Variants in UNK observed in about 807,000 individuals in gnomAD.
The protein encoded by UNK is RING finger protein unkempt homolog.
UNK carries 32 observed loss-of-function variants against 97.6 expected under a neutral mutation model. That is an observed-to-expected ratio of 0.33 (90% CI 0.25 to 0.44). The LOEUF is 0.44. Among genes scored for constraint, UNK ranks in the 20% least tolerant of loss-of-function variants. The pLI is 1.00. For synonymous variants in UNK, 441 were observed against 461.2 expected, an observed-to-expected ratio of 0.96 and a Z score of 0.56; for missense variants, 771 against 1,098.4, an observed-to-expected ratio of 0.70 and a Z score of 4.21.
At chr17:75,786,576 G>C (rs1287053847) in intron 1 of UNK, among the ~76,000 whole-genome samples, 1 of 152,182 alleles carries the variant, frequency 6.6e-6, no homozygotes, top group African/African-American at 2.4e-5. Context: ...TGTCTTTCCT[G>C]CCGGGCGTGG....
rs576070198 is a variant in UNK at position 75,796,613 on chromosome 17, C to T, written c.104+11629C>T. Among the ~76,000 whole-genome samples the T allele has an allele frequency of 2.6e-5, 4 of 152,296 alleles. No individual in the cohort carries two copies. In the East Asian group the frequency reaches 7.7e-4, roughly 29 times the overall value. ...AAGTGCTGGGCCTGAGACACCACAC[C>T]CAGCCTAAACTAAAAGCCATTTTTA... On this transcript the variant is annotated intron_variant, in intron 1 of 15. Coordinates refer to ENST00000589666, the MANE Select transcript of UNK (RefSeq NM_001080419.3).
intron 1 of UNK, among the ~76,000 whole-genome samples, chr17:75,802,564 T>G (rs1399531273): frequency 6.6e-6 from 1 of 152,130 alleles, no homozygotes; most frequent in Non-Finnish European, 1.5e-5. Context: ...CTAGGAATAT[T>G]TCCTTACAGC....
At chr17:75,809,224 T>G (rs1341658591) in intron 1 of UNK, among the ~76,000 whole-genome samples, 1 of 152,160 alleles carries the variant, frequency 6.6e-6, no homozygotes, top group Non-Finnish European at 1.5e-5. Context: ...ACTGAGTCAG[T>G]AGTCCCGAGG....
At chr17:75,814,489 CAAAAA>C (rs59234903) in intron 6 of UNK, among the ~76,000 whole-genome samples, 15 of 70,022 alleles carry the variant, frequency 2.1e-4, no homozygotes, top group Non-Finnish European at 3.0e-4. Context: ...GAGACTCCAT[CAAAAA>C]AAAAAAAAAA....
chr17:75,825,323 C>T lies in UNK; in HGVS notation c.*906C>T, dbSNP rs902044172. On this transcript the variant is annotated 3_prime_UTR_variant, in exon 16 of 16. Coordinates refer to ENST00000589666, the MANE Select transcript of UNK (RefSeq NM_001080419.3). The surrounding 1 kb of genome is among the most constrained non-coding windows in gnomAD (Gnocchi z 4.4). Reference sequence around the variant, plus strand: ...CAGCTGCCCCCAGCTCTCCCTGCCCCCTCCCCTCTCTGGCAGCTAGCAGGG... The same window carrying T: ...CAGCTGCCCCCAGCTCTCCCTGCCCTCTCCCCTCTCTGGCAGCTAGCAGGG... 2 of 152,598 alleles carry T rather than the reference C, an allele frequency of 1.3e-5. No individual in the cohort carries two copies. The highest frequency in any genetic ancestry group is 2.9e-5 in the Non-Finnish European group (2 of 68,150). The allele number at this position is 152,598 out of a possible 1,614,324, so 9.5% of individuals were successfully genotyped here. A position where few individuals can be genotyped will look rare whatever the true frequency, so the allele number is the denominator to read the frequency against.
chr17:75,823,395 T>A lies in UNK; in HGVS notation c.2150T>A (p.Leu717Gln). The A allele has an allele frequency of 6.2e-7, 1 of 1,609,064 alleles. No homozygotes were observed. The highest frequency in any genetic ancestry group is 8.5e-7 in the Non-Finnish European group (1 of 1,177,886). The change falls in exon 15 of 16, where the codon CTG (leucine) becomes CAG (glutamine). Residue 717 changes from leucine to glutamine, a missense_variant. By Grantham distance (113) the Leu-to-Gln change is moderately radical. Around this residue, in one of 5 missense-constraint regions of UNK, gnomAD observed 208 missense variants for 257.4 expected, o/e 0.81. Transcript: ENST00000589666. ...CAGGTGAAGAAGCTCCAGGAGGAGC[T>A]GGAGCGGCTACACGCGGGGCCTGAG... The part of the protein sequence containing the change: ...EVQVKKLQEE[L>Q]ERLHAGPEPQ...
chr17:75,785,066 C>A, intron 1 of UNK, 82 bp downstream of exon 1: 1 of 999,808 alleles, frequency 1.0e-6, no homozygotes, highest in Non-Finnish European at 1.4e-6. Flanking sequence ...AGGGAGAGCG[C>A]GAGGCGGCCT....
intron 1 of UNK, among the ~76,000 whole-genome samples, chr17:75,801,917 A>T (rs2061863440): frequency 6.7e-6 from 1 of 149,954 alleles, no homozygotes; most frequent in Non-Finnish European, 1.5e-5. Context: ...TGGTGCGCTC[A>T]GCTCATTGCA....
chr17:75,820,719 C>G (rs575861735), intron 13 of UNK, among the ~76,000 whole-genome samples: 90 of 152,238 alleles, frequency 5.9e-4, no homozygotes, highest in African/African-American at 2.1e-3. Context: ...TGCGGGCCGG[C>G]TGTGCATCTC....
chr17:75,784,996 C>G lies in UNK; in HGVS notation c.104+12C>G, dbSNP rs368690458. ...CCGCAGCACTACACGTACGTAGAGCCCCCCCCCCCCCGCCGCGCGCGCACG... is the reference window on the plus strand; with the variant it reads ...CCGCAGCACTACACGTACGTAGAGCGCCCCCCCCCCCGCCGCGCGCGCACG... On this transcript the variant is annotated intron_variant, in intron 1 of 15. Transcript: ENST00000589666. The G allele has an allele frequency of 1.6e-4, 21 of 133,420 alleles. No individual in the cohort carries two copies. The highest frequency in any genetic ancestry group is 5.1e-5 in the Non-Finnish European group (6 of 117,234). 8.3% of individuals were successfully genotyped at this position (133,420 alleles called of 1,614,324 possible).
chr17:75,792,442 G>A, intron 1 of UNK: 1 of 985,260 alleles, frequency 1.0e-6, no homozygotes, highest in Non-Finnish European at 1.2e-6. Context: ...GATGAATTTG[G>A]GTCACACTAA....
At chr17:75,804,986 G>T (rs1184565031) in intron 1 of UNK, among the ~76,000 whole-genome samples, 2 of 151,578 alleles carry the variant, frequency 1.3e-5, no homozygotes, top group Non-Finnish European at 2.9e-5. Context: ...GAGGTCAGGA[G>T]ATCGAGACCA....
At chr17:75,821,782 T>C (rs1466032259) in intron 13 of UNK, 1 of 454,084 alleles carries the variant, frequency 2.2e-6, no homozygotes. Flanking sequence ...GGACCTGATG[T>C]TAGTAAACAT....
intron 13 of UNK, 49 bp downstream of exon 13, chr17:75,820,157 C>G (rs755883836): frequency 1.3e-6 from 2 of 1,555,840 alleles, no homozygotes; most frequent in Non-Finnish European, 1.7e-6. Context: ...GGAACCTGCG[C>G]CTTTAGGAGG....
chr17:75,786,802 A>C (rs1240084493), intron 1 of UNK, among the ~76,000 whole-genome samples: 1 of 152,184 alleles, frequency 6.6e-6, no homozygotes, highest in Non-Finnish European at 1.5e-5. Flanking sequence ...GGTGGCAGTG[A>C]GCCGAGATCG....
At chr17:75,785,318 G>A (rs940958022) in intron 1 of UNK, 6 of 247,916 alleles carry the variant, frequency 2.4e-5, no homozygotes, top group African/African-American at 1.2e-4. Context: ...CTTTGGGGCA[G>A]TGAGAAGTCC....
rs1280502763 is a variant in UNK at position 75,819,933 on chromosome 17, G to T, written c.1662G>T (p.Leu554=). 2 of 1,610,404 alleles carry T rather than the reference G, an allele frequency of 1.2e-6. No homozygotes were observed. Among genetic ancestry groups the T allele is most frequent in the Non-Finnish European group, 1.7e-6 (2 of 1,178,418 alleles). Residue 554 remains leucine (L), a synonymous_variant, in exon 13 of 16, where the codon CTG becomes CTT. Coordinates refer to ENST00000589666, the MANE Select transcript of UNK (RefSeq NM_001080419.3). The surrounding 1 kb of genome is among the most constrained non-coding windows in gnomAD (Gnocchi z 5.4). ...PGSITIGGSL[L]QSSAPVNIPG... ...CCTCTCTTGCAGGCGGCAGCTTGCTGCAGAGCTCTGCACCCGTGAACATCC... is the reference window on the plus strand; with the variant it reads ...CCTCTCTTGCAGGCGGCAGCTTGCTTCAGAGCTCTGCACCCGTGAACATCC...
At chr17:75,809,088 G>C (rs1221224478) in intron 1 of UNK, 4 of 147,354 alleles carry the variant, frequency 2.7e-5, no homozygotes. Flanking sequence ...CTGGAGCGGC[G>C]GGGGCGGGGG....
chr17:75,797,908 T>C (rs1461915715), intron 1 of UNK, among the ~76,000 whole-genome samples: 5 of 152,200 alleles, frequency 3.3e-5, no homozygotes, highest in Non-Finnish European at 5.9e-5. Context: ...CATCTCTTTC[T>C]GTTGGCTTGT....
Sources: allele counts gnomAD v4.1 joint callset (sites outside exome capture counted in the v4.1 genomes callset), GRCh38; gene constraint gnomAD v4.1.1; regional missense constraint gnomAD v4.1.1; non-coding constraint Gnocchi (gnomAD v3.1); transcripts MANE v1.5; gene names NCBI Gene and HGNC (gene_info 2026-07-23, HGNC 2026-07-21).